Variants in SYNE2 observed in about 807,000 individuals in gnomAD.
The protein encoded by SYNE2 is nesprin-2.
A neutral mutation model predicts 856.3 loss-of-function variants in SYNE2; 431 were observed. That is an observed-to-expected ratio of 0.50 (90% CI 0.47 to 0.55). The LOEUF (loss-of-function observed/expected upper bound fraction) is 0.55, where lower values mean the gene tolerates loss of function less well. SYNE2 is among the 20% of genes least tolerant of loss of function. The pLI, the probability that SYNE2 is intolerant of heterozygous loss-of-function variation, is 0.00. For synonymous variants in SYNE2, 2,923 were observed against 2,872.3 expected (o/e 1.02, Z -0.56); for missense variants, 8,129 against 8,023.2 (o/e 1.01, Z -0.50).
chr14:64,017,887 G>T, intron 34 of SYNE2, 131 bp downstream of exon 34: 1 of 916,028 alleles, frequency 1.1e-6, no homozygotes, highest in Non-Finnish European at 1.7e-6. Context: ...AGACATTTTT[G>T]GATCATTATT....
intron 2 of SYNE2, among the ~76,000 whole-genome samples, chr14:63,939,043 C>T (rs779105270): frequency 2.0e-5 from 3 of 152,058 alleles, no homozygotes; most frequent in African/African-American, 4.8e-5. Flanking sequence ...TGAGATGAGG[C>T]CTGGTGAACT....
Position 64,052,170 on chromosome 14 carries a change from T to C in SYNE2, c.8257T>C (p.Ser2753Pro), listed in dbSNP as rs1214897374. 1.2e-6 allele frequency: 2 copies of C among 1,614,166 alleles called. No homozygotes were observed. The highest frequency in any genetic ancestry group is 2.2e-5 in the South Asian group (2 of 91,084). The change falls in exon 48 of 116, where the codon TCC (serine) becomes CCC (proline). Residue 2753 changes from serine (S) to proline (P), a missense_variant. Physicochemically the swap from Ser to Pro is moderately conservative, Grantham distance 74 (BLOSUM62 -1). Coordinates refer to ENST00000555002, the MANE Select transcript of SYNE2 (RefSeq NM_182914.3). ...AKNLLGELNPSIPLLPDDILS... is the reference protein window; with the variant it reads ...AKNLLGELNPPIPLLPDDILS... ...GAATTTGTTGGGTGAACTTAATCCC[T>C]CCATTCCCCTTCTCCCAGATGACAT... is the stretch of plus-strand genomic sequence containing the variant.
intron 94 of SYNE2, among the ~76,000 whole-genome samples, chr14:64,173,330 T>C (rs1343974720): frequency 6.6e-6 from 1 of 152,230 alleles, no homozygotes; most frequent in Non-Finnish European, 1.5e-5. Context: ...GGAGCAGGTC[T>C]AATACGAGTG....
chr14:64,199,312 GA>G (rs1184790467), intron 99 of SYNE2, among the ~76,000 whole-genome samples: 6 of 152,184 alleles, frequency 3.9e-5, no homozygotes, highest in African/African-American at 7.2e-5. Flanking sequence ...CTCCAGACCA[GA>G]CTACCCAGGT....
intron 58 of SYNE2, 91 bp from the exon 59 acceptor site, chr14:64,089,483 A>C: frequency 7.5e-7 from 1 of 1,340,582 alleles, no homozygotes; most frequent in African/African-American, 1.5e-5. Flanking sequence ...TATTTGGCTA[A>C]ATAAGAGAAT....
intron 66 of SYNE2, among the ~76,000 whole-genome samples, chr14:64,118,137 C>T (rs553498408): frequency 1.3e-4 from 20 of 152,050 alleles, no homozygotes; most frequent in Non-Finnish European, 2.6e-4. Context: ...ATTTTTAATT[C>T]CTTAAATTCG....
At position 64,017,633 on chromosome 14, in the gene SYNE2, T is replaced by C. The variant is rs2096903556; in HGVS notation, c.4926T>C (p.Gly1642=). Residue 1642 remains glycine (G), a synonymous_variant, in exon 34 of 116, where the codon GGT becomes GGC. Transcript: ENST00000555002. ...CAGAAGATTACTATGAAAATCTTGG[T>C]CGAGCTCTAGCTTTGTGGGACAAAC... ...EKTEDYYENL[G]RALALWDKLF... is the part of the protein sequence containing the mutation. The C allele has an allele frequency of 1.2e-6, 2 of 1,613,322 alleles. No individual in the cohort carries two copies. The highest frequency in any genetic ancestry group is 1.7e-6 in the Non-Finnish European group (2 of 1,179,514).
At chr14:64,219,147 C>G (rs2140349833) in intron 109 of SYNE2, 61 bp from the exon 110 acceptor site, 3 of 1,039,162 alleles carry the variant, frequency 2.9e-6, no homozygotes, top group Non-Finnish European at 4.3e-6. Flanking sequence ...CCCTAATTAG[C>G]TGGAGGCAGA....
In SYNE2 at chr14:64,214,235, C is replaced by T. The variant is rs2098655481; in HGVS notation, c.19098C>T (p.Asp6366=). ...AGGAGGCCTCTGAGAATGAAACAGA[C>T]ATGGAAGACCCCAGAGAAATCCAGA... The part of the protein sequence containing the change: ...DEKEASENET[D]MEDPREIQTD... The change falls in exon 106 of 116, where the codon GAC becomes GAT. Residue 6366 remains aspartate, a synonymous_variant. Coordinates refer to ENST00000555002, the MANE Select transcript of SYNE2 (RefSeq NM_182914.3). 1 of 1,614,112 alleles carries T rather than the reference C, an allele frequency of 6.2e-7. No homozygotes were observed. Among genetic ancestry groups the T allele is most frequent in the African/African-American group, 1.3e-5 (1 of 75,014 alleles).
intron 33 of SYNE2, among the ~76,000 whole-genome samples, chr14:64,017,167 A>G (rs567061465): frequency 7.9e-5 from 12 of 151,926 alleles, no homozygotes; most frequent in Non-Finnish European, 1.8e-4. Context: ...TGTCTCTACT[A>G]AAAATACAAA....
At chr14:64,028,733 A>G (rs138739911) in intron 43 of SYNE2, among the ~76,000 whole-genome samples, 2 of 152,308 alleles carry the variant, frequency 1.3e-5, no homozygotes, top group East Asian at 1.9e-4. Context: ...CAGTGTCAAT[A>G]TTATCCATCC....
chr14:64,104,578 C>T (rs553331674), intron 64 of SYNE2, among the ~76,000 whole-genome samples: 1 of 151,610 alleles, frequency 6.6e-6, no homozygotes, highest in Non-Finnish European at 1.5e-5. Flanking sequence ...GCCTCCCGAG[C>T]AGCTGGGATT....
At chr14:63,891,229 A>G (rs957561462) in intron 1 of SYNE2, among the ~76,000 whole-genome samples, 2 of 152,018 alleles carry the variant, frequency 1.3e-5, no homozygotes, top group Non-Finnish European at 2.9e-5. Context: ...GATTAACAAG[A>G]AAAAAAACAG....
intron 96 of SYNE2, among the ~76,000 whole-genome samples, chr14:64,180,556 G>A (rs956250468): frequency 1.5e-4 from 22 of 150,460 alleles, no homozygotes; most frequent in East Asian, 5.8e-4. Flanking sequence ...CCAGGCTGGC[G>A]TGCAGTGGCA....
At chr14:64,066,910 A>AGGCTGG (rs1482834177) in intron 51 of SYNE2, among the ~76,000 whole-genome samples, 2 of 152,202 alleles carry the variant, frequency 1.3e-5, no homozygotes, top group Non-Finnish European at 2.9e-5. Context: ...AAACCCCTGT[A>AGGCTGG]GGCTGGGGCT....
chr14:64,209,013 A>T, intron 101 of SYNE2, 68 bp downstream of exon 101: 1 of 1,540,868 alleles, frequency 6.5e-7, no homozygotes, highest in Admixed American at 1.9e-5. Flanking sequence ...TTCTGACCTC[A>T]TTCACAGTAA....
At chr14:63,969,190 G>T (rs140356171) in intron 11 of SYNE2, among the ~76,000 whole-genome samples, 14 of 138,520 alleles carry the variant, frequency 1.0e-4, no homozygotes, top group Non-Finnish European at 3.1e-5. Context: ...TTTTTTTTGA[G>T]ATGGAGTCTT....
At chr14:63,792,740 A>G (rs889553332) in intron 1 of SYNE2, among the ~76,000 whole-genome samples, 2 of 152,040 alleles carry the variant, frequency 1.3e-5, no homozygotes, top group African/African-American at 4.8e-5. Context: ...ATCAGAGCTC[A>G]CTGCAGCCTC....
chr14:63,805,619 C>G (rs1372580003), intron 1 of SYNE2, among the ~76,000 whole-genome samples: 3 of 135,392 alleles, frequency 2.2e-5, no homozygotes, highest in African/African-American at 8.0e-5. Flanking sequence ...TCGTGATCCG[C>G]CCGCCTCGGC....
Sources: allele counts gnomAD v4.1 joint callset (sites outside exome capture counted in the v4.1 genomes callset), GRCh38; gene constraint gnomAD v4.1.1; transcripts MANE v1.5; gene names NCBI Gene and HGNC (gene_info 2026-07-23, HGNC 2026-07-21).